Variants in L1TD1 observed in about 807,000 individuals in gnomAD.
L1TD1 encodes the protein LINE-1 type transposase domain-containing protein 1.
In L1TD1, 26 loss-of-function variants were observed where a neutral mutation model predicts 25.7. The ratio of observed to expected loss-of-function variants is 1.01; its 90% confidence interval spans 0.74 to 1.40. The LOEUF (loss-of-function observed/expected upper bound fraction) is 1.40, where lower values mean the gene tolerates loss of function less well. Among genes scored for constraint, L1TD1 ranks in the 40% most tolerant of loss-of-function variants. The pLI is 0.00. For missense variants in L1TD1, 1,130 were observed against 975.0 expected (o/e 1.16, Z -2.12); for synonymous variants, 421 against 335.6 (o/e 1.25, Z -2.78).
rs1453958066 is a variant in L1TD1, at chr1:62,205,432, TATATATATA to T, written c.-110-1086_-110-1078del. 3.8e-4 allele frequency among the ~76,000 whole-genome samples: 28 copies of T among 73,930 alleles called. 1 individual carries two copies. The highest frequency in any genetic ancestry group is 5.8e-4 in the Non-Finnish European group (20 of 34,508). 48.5% of individuals were successfully genotyped at this position (73,930 alleles called of 152,430 possible). On this transcript the variant is annotated intron_variant, in intron 2 of 3. Coordinates refer to ENST00000498273, the MANE Select transcript of L1TD1 (RefSeq NM_019079.5). Reference sequence around the variant, plus strand: ...CTCTCTCTCTCTATATATATATATATATATATATATATTTTTTTTTAGACAGTCTTGCTG... The same window carrying T: ...CTCTCTCTCTCTATATATATATATATTATTTTTTTTTAGACAGTCTTGCTG...
intron 1 of L1TD1, among the ~76,000 whole-genome samples, chr1:62,195,130 G>T (rs1011711377): frequency 5.3e-4 from 80 of 151,900 alleles, no homozygotes; most frequent in Admixed American, 5.2e-3. Context: ...AAGTAAGGCT[G>T]GTCCAGGAGC....
chr1:62,198,819 G>T (rs1284347407), intron 2 of L1TD1, among the ~76,000 whole-genome samples: 1 of 151,954 alleles, frequency 6.6e-6, no homozygotes, highest in Admixed American at 6.6e-5. Context: ...GAGTACACTG[G>T]TGAAAATCTC....
chr1:62,212,110 A>G lies in L1TD1; in HGVS notation c.*738A>G, dbSNP rs1232573393. 1 of 152,208 alleles carries G rather than the reference A, an allele frequency of 6.6e-6. No homozygotes were observed. The highest frequency in any genetic ancestry group is 2.4e-5 in the African/African-American group (1 of 41,434). The allele number at this position is 152,208 out of a possible 1,614,324, so 9.4% of individuals were successfully genotyped here. On this transcript the variant is annotated 3_prime_UTR_variant, in exon 4 of 4. Coordinates refer to ENST00000498273, the MANE Select transcript of L1TD1 (RefSeq NM_019079.5). ...AAGCACGGGAAAAGATGGCAAGGTTAGTTAAAATAGAAAAGTGCTCAGTTC... is the reference window on the plus strand; with the variant it reads ...AAGCACGGGAAAAGATGGCAAGGTTGGTTAAAATAGAAAAGTGCTCAGTTC...
chr1:62,207,900 C>G (rs2481696), intron 3 of L1TD1, among the ~76,000 whole-genome samples: 1 of 151,962 alleles, frequency 6.6e-6, no homozygotes, highest in Non-Finnish European at 1.5e-5. Context: ...TCAGTAGAGA[C>G]GGGGTTTCTC....
Position 62,206,935 on chromosome 1 carries a change from C to G in L1TD1, c.307C>G (p.Gln103Glu). 6.2e-7 allele frequency: 1 copy of G among 1,613,782 alleles called. No individual in the cohort carries two copies. The highest frequency in any genetic ancestry group is 8.5e-7 in the Non-Finnish European group (1 of 1,179,922). Residue 103 changes from glutamine to glutamate, a missense_variant, in exon 3 of 4, where the codon CAG (glutamine) becomes GAG (glutamate). Gln to Glu is a conservative substitution (Grantham distance 29). Coordinates refer to ENST00000498273, the MANE Select transcript of L1TD1 (RefSeq NM_019079.5). ...GAACTCCAGTAGTAGGACAGAGTTT[C>G]AGCAAATAATCAATTTAGCATTACA... is the stretch of plus-strand genomic sequence containing the variant. ...SENSSSRTEF[Q>E]QIINLALQKT...
intron 2 of L1TD1, among the ~76,000 whole-genome samples, chr1:62,197,858 C>T (rs1670572810): frequency 6.6e-6 from 1 of 151,672 alleles, no homozygotes; most frequent in African/African-American, 2.4e-5. Context: ...GCCTGGGCGA[C>T]AGTGAGACTC....
At chr1:62,201,299 A>G (rs2149098956) in intron 2 of L1TD1, among the ~76,000 whole-genome samples, 1 of 152,140 alleles carries the variant, frequency 6.6e-6, no homozygotes, top group Middle Eastern at 3.4e-3. Flanking sequence ...ATTTGTCCTT[A>G]TGTGCCTGTA....
chr1:62,206,700 T>A lies in L1TD1; in HGVS notation c.72T>A (p.Tyr24Ter), dbSNP rs1183773830. 1 of 1,550,448 alleles carries A rather than the reference T, an allele frequency of 6.4e-7. No individual in the cohort carries two copies. Among genetic ancestry groups the A allele is most frequent in the Admixed American group, 2.0e-5 (1 of 50,768 alleles). The change falls in exon 3 of 4, where the codon TAT (tyrosine) becomes TAA (stop). Residue 24 changes from tyrosine (Y) to a stop codon, truncating the protein, a stop_gained. Coordinates refer to ENST00000498273, the MANE Select transcript of L1TD1 (RefSeq NM_019079.5). LOFTEE classifies it high-confidence loss of function. ...CAAAGAAAAAGGAAAATATCACCTA[T>A]ATGAAAAGAGAGCAGTTAACAGAAA... is the stretch of plus-strand genomic sequence containing the variant. ...RLAKKKENIT[Y>*]MKREQLTETD...
rs1370169239 is a variant in L1TD1, at chr1:62,197,571, T to G, written c.-111+1043T>G. Reference sequence around the variant, plus strand: ...CTGGTCTCAAATTCCTGGCCTCAAGTGCTCCTGCTGCCCCGAAAGGTGCTG... The same window carrying G: ...CTGGTCTCAAATTCCTGGCCTCAAGGGCTCCTGCTGCCCCGAAAGGTGCTG... On this transcript the variant is annotated intron_variant, in intron 2 of 3. Coordinates refer to ENST00000498273, the MANE Select transcript of L1TD1 (RefSeq NM_019079.5). 2.0e-5 allele frequency among the ~76,000 whole-genome samples: 3 copies of G among 151,918 alleles called. No homozygotes were observed. The East Asian group carries it at 5.8e-4, about 29-fold the overall frequency.
At chr1:62,205,370 T>TCC (rs1670715669) in intron 2 of L1TD1, among the ~76,000 whole-genome samples, 2 of 96,458 alleles carry the variant, frequency 2.1e-5, no homozygotes, top group African/African-American at 7.7e-5. Flanking sequence ...ACGAAAACTC[T>TCC]CTTTCTCTCT....
rs1481069314 is a variant in L1TD1, at chr1:62,210,031, AGAGGCTTCAGGGTTGGAGGAGGAT to A, written c.1263_1286del (p.Asp427_Glu434del). On this transcript the variant is annotated inframe_deletion, in exon 4 of 4. Coordinates refer to ENST00000498273, the MANE Select transcript of L1TD1 (RefSeq NM_019079.5). ...CAGGGCTGGAGGAGGAAGAAGAAGA[AGAGGCTTCAGGGTTGGAGGAGGAT>A]GAGGCCTCAGGGCTAGAGGAGGAAG... The A allele has an allele frequency of 3.1e-6, 5 of 1,612,130 alleles. No individual in the cohort carries two copies. Among genetic ancestry groups the A allele is most frequent in the African/African-American group, 1.3e-5 (1 of 74,742 alleles).
chr1:62,209,576 T>C (rs1428119317), intron 3 of L1TD1, among the ~76,000 whole-genome samples: 1 of 152,098 alleles, frequency 6.6e-6, no homozygotes, highest in Non-Finnish European at 1.5e-5. Context: ...ACACAAGAAA[T>C]GACAAATATC....
rs1670779748 is a variant in L1TD1 at position 62,207,642 on chromosome 1, C to T, written c.1008+6C>T. ...ATGGAATTCAAGAAAAAAGGGTAAG[C>T]ATACAAATGTATAAATGTATAAAGC... On this transcript the variant is annotated splice_donor_region_variant and intron_variant, in intron 3 of 3. Coordinates refer to ENST00000498273, the MANE Select transcript of L1TD1 (RefSeq NM_019079.5). The T allele has an allele frequency of 6.6e-7, 1 of 1,518,864 alleles. No homozygotes were observed. Among genetic ancestry groups the T allele is most frequent in the Non-Finnish European group, 8.8e-7 (1 of 1,134,056 alleles). 94.1% of individuals were successfully genotyped at this position (1,518,864 alleles called of 1,614,324 possible). A position where few individuals can be genotyped will look rare whatever the true frequency, so the allele number is the denominator to read the frequency against.
chr1:62,210,905 GA>G lies in L1TD1; in HGVS notation c.2132del (p.Glu711GlyfsTer10). 1 of 1,551,404 alleles carries G rather than the reference GA, an allele frequency of 6.4e-7. No homozygotes were observed. The highest frequency in any genetic ancestry group is 1.4e-5 in the African/African-American group (1 of 73,170). On this transcript the variant is annotated frameshift_variant, in exon 4 of 4. Coordinates refer to ENST00000498273, the MANE Select transcript of L1TD1 (RefSeq NM_019079.5). LOFTEE classifies it low-confidence loss of function (END_TRUNC). ...TCGTTTGATAGGAATTCCAGAAAAG[GA>G]GAGTTATGAGAATAGGGCAGAGGAC... ...NIRLIGIPEK[E>X]SYENRAEDII...
intron 2 of L1TD1, among the ~76,000 whole-genome samples, chr1:62,205,370 TC>T (rs1557443318): frequency 7.3e-5 from 7 of 96,456 alleles, no homozygotes; most frequent in African/African-American, 2.7e-4. Context: ...ACGAAAACTC[TC>T]TTTCTCTCTC....
At chr1:62,202,883 A>G (rs896614628) in intron 2 of L1TD1, among the ~76,000 whole-genome samples, 5 of 151,888 alleles carry the variant, frequency 3.3e-5, no homozygotes, top group Admixed American at 1.3e-4. Flanking sequence ...GGGTTTCACC[A>G]TGTTGGCCAG....
intron 2 of L1TD1, among the ~76,000 whole-genome samples, chr1:62,205,807 CTGCAGTCT>C (rs1670734465): frequency 6.6e-6 from 1 of 152,126 alleles, no homozygotes; most frequent in Non-Finnish European, 1.5e-5. Context: ...TCACAGCTCA[CTGCAGTCT>C]TAACTTTCCA....
Position 62,210,966 on chromosome 1 carries a change from A to G in L1TD1, c.2192A>G (p.Glu731Gly). 6.5e-7 allele frequency: 1 copy of G among 1,545,570 alleles called. No homozygotes were observed. The highest frequency in any genetic ancestry group is 8.7e-7 in the Non-Finnish European group (1 of 1,145,636). ...GAAATAATTGATGAAAACTTTGCAG[A>G]ACTAAAGAAAGGTTCAAGTCTTGAG... ...IKEIIDENFA[E>G]LKKGSSLEIV... is the part of the protein sequence containing the mutation. The change falls in exon 4 of 4, where the codon GAA (glutamate) becomes GGA (glycine). Residue 731 changes from glutamate (E) to glycine (G), a missense_variant. Physicochemically the swap from Glu to Gly is moderately conservative, Grantham distance 98. Coordinates refer to ENST00000498273, the MANE Select transcript of L1TD1 (RefSeq NM_019079.5).
At position 62,210,600 on chromosome 1, in the gene L1TD1, T is replaced by A; in HGVS notation, c.1826T>A (p.Leu609Ter). 1 of 1,610,854 alleles carries A rather than the reference T, an allele frequency of 6.2e-7. No individual in the cohort carries two copies. The highest frequency in any genetic ancestry group is 8.5e-7 in the Non-Finnish European group (1 of 1,178,360). Residue 609 changes from leucine (L) to a stop codon, truncating the protein, a stop_gained, in exon 4 of 4, where the codon TTA becomes TAA. Coordinates refer to ENST00000498273, the MANE Select transcript of L1TD1 (RefSeq NM_019079.5). LOFTEE classifies it low-confidence loss of function (END_TRUNC). ...GAACTAACATCCAAAGAAGCAGACT[T>A]AACAGAGGAAACAGAAGAAAACTTG... ...TEELTSKEAD[L>*]TEETEENLRS...
Sources: allele counts gnomAD v4.1 joint callset (sites outside exome capture counted in the v4.1 genomes callset), GRCh38; gene constraint gnomAD v4.1.1; transcripts MANE v1.5; gene names NCBI Gene and HGNC (gene_info 2026-07-23, HGNC 2026-07-21).